ASIC2: variants seen among roughly 807,000 people sequenced by gnomAD.
ASIC2 encodes the protein acid sensing ion channel subunit 2, also known as acid-sensing ion channel 2.
In ASIC2, 25 loss-of-function variants were observed where a neutral mutation model predicts 57.3. The observed-to-expected ratio is 0.44, with a 90% confidence interval of 0.32 to 0.61. The LOEUF is 0.61. Ranked by LOEUF, ASIC2 falls within the 20% of genes least tolerant of loss-of-function variation. The probability of loss-of-function intolerance (pLI) is 0.06; values close to 1 mark genes in which losing one functional copy is unlikely to be tolerated. For missense variants in ASIC2, 641 were observed against 738.1 expected (o/e 0.87, Z 1.52); for synonymous variants, 319 against 307.5 (o/e 1.04, Z -0.39).
intron 1 of ASIC2, among the ~76,000 whole-genome samples, chr17:33,472,025 T>C (rs948344871): frequency 2.7e-5 from 4 of 150,858 alleles, no homozygotes; most frequent in African/African-American, 9.7e-5. Context: ...CTTTTCTTTT[T>C]TTTTTTTTTT....
At chr17:34,133,259 T>C (rs1301958912) in intron 1 of ASIC2, among the ~76,000 whole-genome samples, 1 of 151,566 alleles carries the variant, frequency 6.6e-6, no homozygotes, top group East Asian at 1.9e-4. Flanking sequence ...TTTCTTTTTC[T>C]TGGTTATTTT....
At chr17:33,876,468 CTT>C (rs911847393) in intron 1 of ASIC2, among the ~76,000 whole-genome samples, 40 of 152,322 alleles carry the variant, frequency 2.6e-4, no homozygotes, top group African/African-American at 9.1e-4. Flanking sequence ...ACAAAACAAA[CTT>C]GAGTAATTTA....
intron 1 of ASIC2, among the ~76,000 whole-genome samples, chr17:34,139,970 C>G (rs1912229069): frequency 6.6e-6 from 1 of 152,082 alleles, no homozygotes; most frequent in Admixed American, 6.5e-5. Flanking sequence ...GGGGGGTGAG[C>G]TTTTTCATTA....
At chr17:34,056,017 G>A (rs917751772) in intron 1 of ASIC2, among the ~76,000 whole-genome samples, 1 of 152,158 alleles carries the variant, frequency 6.6e-6, no homozygotes, top group Non-Finnish European at 1.5e-5. Flanking sequence ...CTTACACTGG[G>A]CAGTAATTGT....
At chr17:33,527,103 G>C (rs1292902963) in intron 1 of ASIC2, among the ~76,000 whole-genome samples, 1 of 152,192 alleles carries the variant, frequency 6.6e-6, no homozygotes, top group African/African-American at 2.4e-5. Context: ...TTCCTTCTAT[G>C]ATCTAACAAT....
At chr17:33,283,478 C>T (rs922085804) in intron 1 of ASIC2, among the ~76,000 whole-genome samples, 1 of 152,198 alleles carries the variant, frequency 6.6e-6, no homozygotes, top group African/African-American at 2.4e-5. Flanking sequence ...CCCTTAAGGA[C>T]TTTGCAACCG....
intron 1 of ASIC2, among the ~76,000 whole-genome samples, chr17:33,277,374 G>A (rs1904747181): frequency 6.6e-6 from 1 of 152,188 alleles, no homozygotes; most frequent in East Asian, 1.9e-4. Flanking sequence ...GGTACCAGCT[G>A]GGTAACCTCG....
chr17:33,578,841 G>C (rs1277877181), intron 1 of ASIC2, among the ~76,000 whole-genome samples: 2 of 152,160 alleles, frequency 1.3e-5, no homozygotes, highest in Non-Finnish European at 1.5e-5. Context: ...TTAAACTGTG[G>C]AGCTAAACAT....
At chr17:33,429,042 G>A (rs17782423) in intron 1 of ASIC2, among the ~76,000 whole-genome samples, 58,300 of 151,982 alleles carry the variant, frequency 0.38, 11,623 homozygotes, top group Non-Finnish European at 0.42. Context: ...TGAGGAGATG[G>A]TCAGATATTG....
chr17:34,143,286 A>G (rs148694282), intron 1 of ASIC2, among the ~76,000 whole-genome samples: 3 of 152,312 alleles, frequency 2.0e-5, no homozygotes, highest in East Asian at 3.9e-4. Flanking sequence ...CCTATGTTCA[A>G]CTGTGAAATA....
chr17:33,569,979 C>T (rs75231209), intron 1 of ASIC2, among the ~76,000 whole-genome samples: 4,502 of 152,122 alleles, frequency 0.03, 80 homozygotes, highest in Non-Finnish European at 0.043. Context: ...CCTTTTCTCC[C>T]GCCCTCTTTC....
At chr17:33,664,715 A>G (rs947909374) in intron 1 of ASIC2, among the ~76,000 whole-genome samples, 24 of 152,170 alleles carry the variant, frequency 1.6e-4, no homozygotes, top group African/African-American at 5.6e-4. Context: ...TTGCAGATAC[A>G]TTGTGATGGA....
At chr17:33,896,403 C>T (rs769865470) in intron 1 of ASIC2, among the ~76,000 whole-genome samples, 14 of 152,232 alleles carry the variant, frequency 9.2e-5, no homozygotes, top group Non-Finnish European at 1.9e-4. Context: ...TCTTCCCTTC[C>T]TGGCAGCCCA....
chr17:33,082,744 A>ATAAT (rs1011075456), intron 3 of ASIC2, among the ~76,000 whole-genome samples: 3 of 149,570 alleles, frequency 2.0e-5, no homozygotes, highest in South Asian at 2.1e-4. Flanking sequence ...AAATAAATAA[A>ATAAT]TAATCATGGT....
chr17:34,042,044 CACTT>C (rs1214218883), intron 1 of ASIC2, among the ~76,000 whole-genome samples: 1 of 152,212 alleles, frequency 6.6e-6, no homozygotes, highest in Non-Finnish European at 1.5e-5. Flanking sequence ...TTCCACTGCA[CACTT>C]ACTAGAATGT....
intron 1 of ASIC2, among the ~76,000 whole-genome samples, chr17:34,046,482 A>G (rs1908341950): frequency 1.3e-5 from 2 of 152,210 alleles, no homozygotes; most frequent in African/African-American, 4.8e-5. Context: ...TTGTCACAGG[A>G]ATTAATCAAT....
At chr17:33,217,676 T>C (rs962453965) in intron 1 of ASIC2, among the ~76,000 whole-genome samples, 1 of 152,220 alleles carries the variant, frequency 6.6e-6, no homozygotes, top group African/African-American at 2.4e-5. Context: ...GAATCCAGGT[T>C]CCCTCTCATC....
intron 8 of ASIC2, 26 bp downstream of exon 8, chr17:33,017,579 T>A: frequency 1.3e-6 from 2 of 1,596,378 alleles, no homozygotes; most frequent in Non-Finnish European, 1.7e-6. Context: ...TGCGGTCATT[T>A]CCCTGTGGGG....
intron 1 of ASIC2, among the ~76,000 whole-genome samples, chr17:34,097,115 C>G (rs1910576028): frequency 6.6e-6 from 1 of 152,052 alleles, no homozygotes; most frequent in Non-Finnish European, 1.5e-5. Flanking sequence ...AAAATGTGAT[C>G]AATATTTTCT....
Sources: allele counts gnomAD v4.1 joint callset (sites outside exome capture counted in the v4.1 genomes callset), GRCh38; gene constraint gnomAD v4.1.1; transcripts MANE v1.5; gene names NCBI Gene and HGNC (gene_info 2026-07-23, HGNC 2026-07-21).